The following CAPN8 variants were observed in gnomAD, a reference collection of about 807,000 sequenced individuals.
CAPN8 encodes calpain 8.
Under a neutral mutation model 80.9 loss-of-function variants are expected in CAPN8, and 87 were observed. The observed-to-expected ratio is 1.07, with a 90% CI of 0.90 to 1.28. The LOEUF (loss-of-function observed/expected upper bound fraction) is 1.28, where lower values mean the gene tolerates loss of function less well. Among genes scored for constraint, CAPN8 ranks in the 50% most tolerant of loss-of-function variants. The pLI is 0.00. For missense variants in CAPN8, 757 were observed against 702.0 expected, an observed-to-expected ratio of 1.08 and a Z score of -0.89; for synonymous variants, 299 against 273.8, an observed-to-expected ratio of 1.09 and a Z score of -0.91.
At chr1:223,630,908 C>T (rs1657755879) in intron 2 of CAPN8, among the ~76,000 whole-genome samples, 1 of 152,160 alleles carries the variant, frequency 6.6e-6, no homozygotes, top group African/African-American at 2.4e-5. Flanking sequence ...GTCCTCCTCC[C>T]ACCCAGCTCC....
intron 2 of CAPN8, 95 bp from the exon 3 acceptor site, chr1:223,628,875 T>C (rs61825211): frequency 0.76 from 708,158 of 929,216 alleles, 272,054 homozygotes; most frequent in African/African-American, 0.93. Context: ...GAGTCCACGT[T>C]GCCACATTCC....
At chr1:223,552,637 G>T (rs1656823830) in intron 14 of CAPN8, among the ~76,000 whole-genome samples, 1 of 150,582 alleles carries the variant, frequency 6.6e-6, no homozygotes, top group South Asian at 2.1e-4. Context: ...CCATTAGCCT[G>T]CCAGGAAAGA....
intron 7 of CAPN8, 144 bp from the exon 8 acceptor site, chr1:223,620,410 T>C: frequency 2.9e-6 from 2 of 700,646 alleles, no homozygotes; most frequent in South Asian, 3.6e-5. Flanking sequence ...GAATGGACAG[T>C]GTGGCGCGAG....
Position 223,612,231 on chromosome 1 carries a change from T to A in CAPN8, c.1323+15A>T, listed in dbSNP as rs999852547. The stretch of plus-strand genomic sequence containing the variant: ...TTCTCACCAAAGGAAGGAATCTCTG[T>A]CAGCACTCACATACCTCCTTGGGAA... On this transcript the variant is annotated intron_variant, in intron 11 of 20. Coordinates refer to ENST00000366872, the MANE Select transcript of CAPN8 (RefSeq NM_001143962.2). The A allele has an allele frequency of 8.1e-7, 1 of 1,234,140 alleles. No individual in the cohort carries two copies. Among genetic ancestry groups the A allele is most frequent in the Non-Finnish European group, 1.0e-6 (1 of 988,102 alleles). The allele number at this position is 1,234,140 out of a possible 1,614,324, so 76.4% of individuals were successfully genotyped here. A position where few individuals can be genotyped will look rare whatever the true frequency, so the allele number is the denominator to read the frequency against.
At chr1:223,618,398 G>C in intron 9 of CAPN8, 1 of 1,379,876 alleles carries the variant, frequency 7.2e-7, no homozygotes, top group Non-Finnish European at 1.0e-6. Context: ...TCTCCACCAG[G>C]GTCTGAGTCC....
intron 1 of CAPN8, among the ~76,000 whole-genome samples, chr1:223,654,768 C>T (rs778187952): frequency 3.2e-4 from 49 of 152,134 alleles, no homozygotes; most frequent in Middle Eastern, 3.4e-3. Flanking sequence ...CTCCGCCTCC[C>T]GGATTCAAGT....
At chr1:223,544,350 A>T in intron 18 of CAPN8, 167 bp from the exon 19 acceptor site, 1 of 605,170 alleles carries the variant, frequency 1.7e-6, no homozygotes. Flanking sequence ...GTGTCCTGCC[A>T]TCCATCCCTC....
At chr1:223,638,116 TG>T (rs1364908915) in intron 2 of CAPN8, among the ~76,000 whole-genome samples, 1 of 152,144 alleles carries the variant, frequency 6.6e-6, no homozygotes, top group African/African-American at 2.4e-5. Flanking sequence ...GTACTGAACA[TG>T]TACAGACTTT....
chr1:223,644,651 TC>T lies in CAPN8; in HGVS notation c.307+9678del, dbSNP rs199547746. Among the ~76,000 whole-genome samples, 94 of 152,228 alleles carry T rather than the reference TC, an allele frequency of 6.2e-4. No homozygotes were observed. The East Asian group carries it at 0.015, about 24-fold the overall frequency. On this transcript the variant is annotated intron_variant, in intron 2 of 20. Transcript: ENST00000366872. ...GAGCAGGGTGAGGGGAGTGAGAGTT[TC>T]TAGGGGAGCGCTAGGAAACGCAAGG... is the stretch of plus-strand genomic sequence containing the variant.
chr1:223,662,897 A>G (rs1231697766), intron 1 of CAPN8, among the ~76,000 whole-genome samples: 1 of 152,222 alleles, frequency 6.6e-6, no homozygotes, highest in Admixed American at 6.5e-5. Flanking sequence ...TCTATTCAAT[A>G]ACTGTAAGAT....
chr1:223,618,824 C>T (rs1309888405), intron 9 of CAPN8, among the ~76,000 whole-genome samples: 1 of 152,206 alleles, frequency 6.6e-6, no homozygotes, highest in Non-Finnish European at 1.5e-5. Flanking sequence ...GGCCTCCAAG[C>T]CCTAGGGAGA....
chr1:223,613,785 A>G (rs1657096331), intron 10 of CAPN8, among the ~76,000 whole-genome samples: 1 of 152,166 alleles, frequency 6.6e-6, no homozygotes, highest in Non-Finnish European at 1.5e-5. Flanking sequence ...CAGTTAAAGC[A>G]AGAGAAGGGA....
intron 13 of CAPN8, among the ~76,000 whole-genome samples, chr1:223,557,285 G>GGT (rs1485953713): frequency 6.6e-6 from 1 of 152,236 alleles, no homozygotes. Context: ...TGTGTATATG[G>GGT]GTGTGTGTGT....
At chr1:223,642,760 C>T (rs1482237759) in intron 2 of CAPN8, 3 of 453,646 alleles carry the variant, frequency 6.6e-6, no homozygotes, top group Non-Finnish European at 1.3e-5. Context: ...GCTGAAGAAA[C>T]TTGTTCAGAT....
At chr1:223,625,413 A>T (rs1657540166) in intron 6 of CAPN8, among the ~76,000 whole-genome samples, 1 of 152,254 alleles carries the variant, frequency 6.6e-6, no homozygotes, top group Non-Finnish European at 1.5e-5. Context: ...TCTTCAAGTG[A>T]GTAAGAGTCA....
At chr1:223,655,772 G>A (rs544103902) in intron 1 of CAPN8, among the ~76,000 whole-genome samples, 20 of 152,146 alleles carry the variant, frequency 1.3e-4, no homozygotes, top group Admixed American at 2.6e-4. Flanking sequence ...AGCAGTCTAC[G>A]TACTGGTTCC....
rs1657605656 is a variant in CAPN8 at position 223,627,046 on chromosome 1, T to C, written c.672A>G (p.Leu224=). The change falls in exon 5 of 21, where the codon CTA becomes CTG. Residue 224 remains leucine, a synonymous_variant. Coordinates refer to ENST00000366872, the MANE Select transcript of CAPN8 (RefSeq NM_001143962.2). The part of the protein sequence containing the change: ...FYDLKKPPAN[L]YQIIRKALCA... ...AGAGGGCCTTCCGGATGATCTGATA[T>C]AGATTGGCTGGTGGTTTCTTCAGGT... is the stretch of plus-strand genomic sequence containing the variant. 4 of 1,552,036 alleles carry C rather than the reference T, an allele frequency of 2.6e-6. No homozygotes were observed. Among genetic ancestry groups the C allele is most frequent in the South Asian group, 1.2e-5 (1 of 84,064 alleles).
chr1:223,639,560 T>TAAAACC (rs1657993296), intron 2 of CAPN8, among the ~76,000 whole-genome samples: 1 of 152,256 alleles, frequency 6.6e-6, no homozygotes, highest in African/African-American at 2.4e-5. Context: ...AACTAACCTC[T>TAAAACC]AAAACCAGTC....
intron 1 of CAPN8, among the ~76,000 whole-genome samples, chr1:223,655,232 C>T (rs1044648592): frequency 1.3e-5 from 2 of 152,198 alleles, no homozygotes; most frequent in Non-Finnish European, 2.9e-5. Flanking sequence ...ACCCCATGTG[C>T]TGATGGACAC....
Sources: gnomAD v4.1 joint callset for allele counts (sites outside exome capture counted in the v4.1 genomes callset) on GRCh38, gnomAD v4.1.1 for gene constraint, MANE v1.5 for transcripts, NCBI Gene and HGNC (gene_info 2026-07-23, HGNC 2026-07-21) for gene names.